The following MILR1 variants were observed in gnomAD, a reference collection of about 807,000 sequenced individuals.
MILR1 encodes mast cell immunoglobulin like receptor 1, also known as allergin-1.
A neutral mutation model predicts 18.5 loss-of-function variants in MILR1; 31 were observed. The ratio of observed to expected loss-of-function variants is 1.68; its 90% CI spans 1.26 to 2.26. The LOEUF (loss-of-function observed/expected upper bound fraction) is 2.26. Among genes scored for constraint, MILR1 ranks in the 30% most tolerant of loss-of-function variants. The pLI is 0.00. For missense variants in MILR1, 257 were observed against 157.4 expected, an observed-to-expected ratio of 1.63 and a Z score of -3.38; for synonymous variants, 85 against 56.2, an observed-to-expected ratio of 1.51 and a Z score of -2.30.
At chr17:64,480,755 T>C in the MILR1 span, among the ~76,000 whole-genome samples, 1 of 151,962 alleles carries the variant, frequency 6.6e-6, no homozygotes, top group African/African-American at 2.4e-5. Flanking sequence ...AGCCCTCATC[T>C]GAGAGGTGAG....
the MILR1 span, chr17:64,492,815 T>C: frequency 6.3e-7 from 1 of 1,599,874 alleles, no homozygotes; most frequent in Non-Finnish European, 8.6e-7. Flanking sequence ...TATCTGAAAA[T>C]TATATAATTT....
At chr17:64,493,869 AT>A in the MILR1 span, among the ~76,000 whole-genome samples, 1 of 152,188 alleles carries the variant, frequency 6.6e-6, no homozygotes, top group Admixed American at 6.5e-5. Flanking sequence ...ACCTAGATTC[AT>A]CAATTATCAA....
the MILR1 span, among the ~76,000 whole-genome samples, chr17:64,492,114 G>C: frequency 6.6e-6 from 1 of 152,196 alleles, no homozygotes; most frequent in Admixed American, 6.5e-5. Context: ...ACTAAAGTGG[G>C]ATAAAGAAGA....
chr17:64,497,292 T>G, the MILR1 span, among the ~76,000 whole-genome samples: 1 of 152,274 alleles, frequency 6.6e-6, no homozygotes. Flanking sequence ...TGTAGCCACT[T>G]GAGTCACTTC....
intron 4 of MILR1, among the ~76,000 whole-genome samples, chr17:64,460,009 T>C (rs1315460932): frequency 7.0e-6 from 1 of 142,892 alleles, no homozygotes; most frequent in Non-Finnish European, 1.5e-5. Flanking sequence ...TATTTATTTA[T>C]TTATTTATTT....
the MILR1 span, chr17:64,491,671 T>C: frequency 2.3e-6 from 3 of 1,277,430 alleles, no homozygotes; most frequent in East Asian, 2.4e-5. Flanking sequence ...AACAAGTACA[T>C]CAACGTGAAG....
At chr17:64,477,580 G>A in the MILR1 span, among the ~76,000 whole-genome samples, 2 of 152,140 alleles carry the variant, frequency 1.3e-5, no homozygotes, top group African/African-American at 2.4e-5. Flanking sequence ...CAGTCTACCC[G>A]CTAGAGTTCT....
chr17:64,465,686 G>A (rs183267247), intron 6 of MILR1, 145 bp downstream of exon 6: 11 of 730,296 alleles, frequency 1.5e-5, no homozygotes, highest in Admixed American at 5.8e-5. Flanking sequence ...ACTTTCTAGG[G>A]GTAATAACCA....
chr17:64,468,228 G>A (rs2037623605), intron 9 of MILR1, 82 bp from the exon 10 acceptor site: 3 of 455,908 alleles, frequency 6.6e-6, no homozygotes, highest in East Asian at 7.0e-5. Context: ...GACATTGCTT[G>A]TGGTTGCCTC....
intron 2 of MILR1, among the ~76,000 whole-genome samples, chr17:64,452,097 T>TTG: frequency 6.7e-6 from 1 of 148,886 alleles, no homozygotes; most frequent in South Asian, 2.1e-4. Flanking sequence ...TTTTTTTTTT[T>TTG]GTTCTGTTTT....
rs949301653 is a variant in MILR1, at chr17:64,462,438, C to T, written c.763+1506C>T. Among the ~76,000 whole-genome samples the T allele has an allele frequency of 2.1e-3, 320 of 152,232 alleles. 3 individuals carry two copies. Among genetic ancestry groups the T allele is most frequent in the Non-Finnish European group, 3.5e-3 (235 of 68,032 alleles). On this transcript the variant is annotated intron_variant, in intron 5 of 9. Transcript: ENST00000619286. ...TGCTCCTGACTGCAAGTGCCTCAAG[C>T]GAGAGCTTTGCCTTGAGTGACTCTA...
At position 64,457,684 on chromosome 17, in the gene MILR1, G is replaced by C. The variant is rs118195001; in HGVS notation, c.652G>C (p.Gly218Arg). 3.0e-3 allele frequency: 1,439 copies of C among 473,906 alleles called. 4 individuals carry two copies. Among genetic ancestry groups the C allele is most frequent in the Non-Finnish European group, 2.8e-3 (723 of 259,088 alleles). 29.4% of individuals were successfully genotyped at this position (473,906 alleles called of 1,614,324 possible). Residue 218 changes from glycine to arginine, a missense_variant and splice_region_variant, in exon 4 of 10, where the codon GGC (glycine) becomes CGC (arginine). Gly to Arg is a moderately radical substitution (Grantham distance 125). Transcript: ENST00000619286. ...TCACCCTGTCACCATGCCCTCAACA[G>C]GTAAGAGCAACCTGAGTTCTTTCAG... The part of the protein sequence containing the change: ...YSHPVTMPST[G>R]GDSCPFCLKL...
chr17:64,486,518 T>A, the MILR1 span, among the ~76,000 whole-genome samples: 4 of 152,018 alleles, frequency 2.6e-5, no homozygotes, highest in Admixed American at 1.3e-4. Context: ...CACACCACCA[T>A]GTCTGGCTAA....
At chr17:64,480,344 C>T in the MILR1 span, 3 of 1,600,734 alleles carry the variant, frequency 1.9e-6, no homozygotes, top group African/African-American at 2.7e-5. Flanking sequence ...CCAGGCCACA[C>T]AGAAATCCCA....
the MILR1 span, chr17:64,485,464 G>C: frequency 2.2e-6 from 1 of 449,722 alleles, no homozygotes; most frequent in Non-Finnish European, 4.1e-6. Flanking sequence ...AAGGTTCAGG[G>C]GCTAGGAGTC....
At chr17:64,462,990 A>G (rs1351016373) in intron 5 of MILR1, among the ~76,000 whole-genome samples, 5 of 152,122 alleles carry the variant, frequency 3.3e-5, no homozygotes, top group Admixed American at 2.6e-4. Context: ...TATGCTTTCT[A>G]GATTTTCAAT....
chr17:64,469,750 A>G (rs116031063), downstream of MILR1, among the ~76,000 whole-genome samples: 6,410 of 152,190 alleles, frequency 0.042, 324 homozygotes, highest in African/African-American at 0.12. Flanking sequence ...CAGCACGCTC[A>G]GACCCACGCT....
At chr17:64,449,501 A>G in intron 2 of MILR1, 146 bp downstream of exon 2, 1 of 408,916 alleles carries the variant, frequency 2.4e-6, no homozygotes, top group Non-Finnish European at 4.4e-6. Flanking sequence ...CTATCATTTA[A>G]AATAAAATGA....
the MILR1 span, among the ~76,000 whole-genome samples, chr17:64,479,885 A>G: frequency 6.6e-6 from 1 of 152,182 alleles, no homozygotes; most frequent in Non-Finnish European, 1.5e-5. Context: ...CCCTTAGAAG[A>G]CTAGAACAGA....
Sources: allele counts gnomAD v4.1 joint callset (sites outside exome capture counted in the v4.1 genomes callset), GRCh38; gene constraint gnomAD v4.1.1; transcripts MANE v1.5; gene names NCBI Gene and HGNC (gene_info 2026-07-23, HGNC 2026-07-21).